IGSF11: variants seen among roughly 807,000 people sequenced by gnomAD.
IGSF11 encodes the protein immunoglobulin superfamily member 11, also known as CXADR like 1.
In IGSF11, 22 loss-of-function variants were observed where a neutral mutation model predicts 41.0. The observed-to-expected ratio is 0.54, with a 90% confidence interval of 0.38 to 0.77. IGSF11 has a LOEUF of 0.77. IGSF11 is among the 30% of genes least tolerant of loss of function. The pLI is 0.00. For missense variants in IGSF11, 444 were observed against 530.8 expected (o/e 0.84, Z 1.61); for synonymous variants, 219 against 201.3 (o/e 1.09, Z -0.74).
Position 118,948,889 on chromosome 3 carries a change from G to A in IGSF11, c.53-18614C>T, listed in dbSNP as rs548800265. Among the ~76,000 whole-genome samples the A allele has an allele frequency of 7.3e-5, 11 of 151,182 alleles. No homozygotes were observed. In the East Asian group the frequency reaches 1.2e-3, roughly 16 times the overall value. ...CGGGAGGCTCAGGCAGGAGAATGGC[G>A]TGAACCCAGGAGGCGGAGCTTGCAG... On this transcript the variant is annotated intron_variant, in intron 1 of 6. Coordinates refer to ENST00000393775, the MANE Select transcript of IGSF11 (RefSeq NM_001015887.3).
At chr3:119,106,916 C>G (rs529387604), upstream of IGSF11, among the ~76,000 whole-genome samples, 2 of 152,142 alleles carry the variant, frequency 1.3e-5, no homozygotes, top group Non-Finnish European at 2.9e-5. Context: ...AGGACATGAA[C>G]TCATCATTTT....
At chr3:118,964,283 G>A (rs917407014) in intron 1 of IGSF11, among the ~76,000 whole-genome samples, 1 of 152,128 alleles carries the variant, frequency 6.6e-6, no homozygotes, top group Non-Finnish European at 1.5e-5. Flanking sequence ...CAAGAAAGTT[G>A]GGTGGGTTAA....
intron 1 of IGSF11, among the ~76,000 whole-genome samples, chr3:119,131,601 A>G (rs2077482887): frequency 6.6e-6 from 1 of 152,240 alleles, no homozygotes; most frequent in Non-Finnish European, 1.5e-5. Flanking sequence ...TGATGGGGAG[A>G]ATGGAACCAA....
intron 1 of IGSF11, among the ~76,000 whole-genome samples, chr3:119,125,837 C>A (rs2077396992): frequency 6.6e-6 from 1 of 152,196 alleles, no homozygotes; most frequent in Non-Finnish European, 1.5e-5. Flanking sequence ...GGAACCACCT[C>A]TCCCCAGCCA....
chr3:119,074,188 C>T (rs1261186567), intron 1 of IGSF11, among the ~76,000 whole-genome samples: 1 of 152,190 alleles, frequency 6.6e-6, no homozygotes, highest in Non-Finnish European at 1.5e-5. Flanking sequence ...CTACAGAACA[C>T]TCTACCCAAC....
intron 1 of IGSF11, among the ~76,000 whole-genome samples, chr3:119,062,896 C>T (rs1228746235): frequency 1.3e-5 from 2 of 152,068 alleles, no homozygotes; most frequent in African/African-American, 2.4e-5. Flanking sequence ...TTCATTCACC[C>T]CACCACATCC....
intron 4 of IGSF11, among the ~76,000 whole-genome samples, chr3:118,925,458 G>T (rs1042091153): frequency 2.0e-5 from 3 of 152,116 alleles, no homozygotes; most frequent in Non-Finnish European, 4.4e-5. Context: ...TTGACCTAGA[G>T]TATTTTATAA....
chr3:119,115,983 C>T (rs367576752), intron 1 of IGSF11, among the ~76,000 whole-genome samples: 3 of 152,250 alleles, frequency 2.0e-5, no homozygotes, highest in Admixed American at 6.5e-5. Flanking sequence ...AATGACAAAA[C>T]GAGGAGCTTT....
intron 6 of IGSF11, 25 bp from the exon 7 acceptor site, chr3:118,902,986 T>C (rs73185803): frequency 0.19 from 310,300 of 1,599,942 alleles, 38,356 homozygotes; most frequent in African/African-American, 0.53. Flanking sequence ...ATAAAGTCGT[T>C]GTTAGGATTT....
chr3:119,135,546 TAA>T (rs745712205), intron 1 of IGSF11, among the ~76,000 whole-genome samples: 1 of 152,156 alleles, frequency 6.6e-6, no homozygotes, highest in Non-Finnish European at 1.5e-5. Flanking sequence ...TGGTGATCAT[TAA>T]AAAGTCAGGA....
intron 1 of IGSF11, among the ~76,000 whole-genome samples, chr3:119,094,579 C>T (rs1012850063): frequency 6.7e-6 from 1 of 149,952 alleles, no homozygotes; most frequent in Non-Finnish European, 1.5e-5. Context: ...TGAGTGCAAC[C>T]AAAATTGAAA....
chr3:118,939,876 A>G (rs771418065), intron 1 of IGSF11, among the ~76,000 whole-genome samples: 49 of 152,312 alleles, frequency 3.2e-4, no homozygotes, highest in Non-Finnish European at 4.9e-4. Flanking sequence ...AGAATTCAAT[A>G]AAGACAGAAA....
At chr3:118,933,917 C>T (rs181787975) in intron 1 of IGSF11, among the ~76,000 whole-genome samples, 4 of 152,080 alleles carry the variant, frequency 2.6e-5, no homozygotes, top group South Asian at 4.2e-4. Context: ...CAACCCTGTA[C>T]GTGAGCTTCA....
At chr3:119,033,410 T>C (rs1339609150) in intron 1 of IGSF11, among the ~76,000 whole-genome samples, 3 of 152,218 alleles carry the variant, frequency 2.0e-5, no homozygotes, top group African/African-American at 7.2e-5. Flanking sequence ...TGTTATTGTG[T>C]GCACATCATC....
chr3:119,028,946 G>A (rs1037091915), intron 1 of IGSF11, among the ~76,000 whole-genome samples: 21 of 152,016 alleles, frequency 1.4e-4, no homozygotes, highest in Admixed American at 4.6e-4. Flanking sequence ...GGATGGTAAC[G>A]TCAGGGGAGG....
At chr3:119,049,412 A>G (rs1476563731) in intron 1 of IGSF11, among the ~76,000 whole-genome samples, 2 of 152,168 alleles carry the variant, frequency 1.3e-5, no homozygotes, top group Non-Finnish European at 2.9e-5. Context: ...CTTCAAAGAG[A>G]ATAAAATACT....
At chr3:119,044,902 G>C (rs537121128) in intron 1 of IGSF11, among the ~76,000 whole-genome samples, 2 of 152,072 alleles carry the variant, frequency 1.3e-5, no homozygotes, top group East Asian at 3.9e-4. Flanking sequence ...ATGCTAAAAG[G>C]AGTTCTAAAT....
At chr3:118,960,002 G>A (rs554214758) in intron 1 of IGSF11, among the ~76,000 whole-genome samples, 389 of 148,444 alleles carry the variant, frequency 2.6e-3, no homozygotes, top group Non-Finnish European at 4.0e-3. Flanking sequence ...CGGAGATCGC[G>A]CCACTGCACT....
chr3:119,004,336 A>G (rs907714625), intron 1 of IGSF11, among the ~76,000 whole-genome samples: 7 of 137,256 alleles, frequency 5.1e-5, no homozygotes, highest in Non-Finnish European at 7.7e-5. Context: ...TATTGTGTCT[A>G]TTTGATTCTT....
Sources: allele counts gnomAD v4.1 joint callset (sites outside exome capture counted in the v4.1 genomes callset), GRCh38; gene constraint gnomAD v4.1.1; transcripts MANE v1.5; gene names NCBI Gene and HGNC (gene_info 2026-07-23, HGNC 2026-07-21).